Variants in RGS22 observed in about 807,000 individuals in gnomAD.
The protein encoded by RGS22 is regulator of G protein signaling 22, also known as regulator of G-protein signaling 22.
Under a neutral mutation model 172.9 loss-of-function variants are expected in RGS22, and 148 were observed. The ratio of observed to expected loss-of-function variants is 0.86; its 90% CI spans 0.75 to 0.98. RGS22 has a LOEUF of 0.98. Among genes scored for constraint, RGS22 ranks in the 50% least tolerant of loss-of-function variants. The pLI, the probability that RGS22 is intolerant of heterozygous loss-of-function variation, is 0.00. For missense variants in RGS22, 1,347 were observed against 1,440.8 expected (o/e 0.93, Z 1.05); for synonymous variants, 458 against 480.2 (o/e 0.95, Z 0.60).
chr8:99,983,073 C>T (rs1252756269), intron 21 of RGS22, among the ~76,000 whole-genome samples: 1 of 152,086 alleles, frequency 6.6e-6, no homozygotes, highest in Non-Finnish European at 1.5e-5. Context: ...TTTTCTTTTC[C>T]TGCATTAATT....
chr8:100,083,220 C>T (rs1293447591), intron 3 of RGS22, among the ~76,000 whole-genome samples: 4 of 152,284 alleles, frequency 2.6e-5, no homozygotes, highest in African/African-American at 9.6e-5. Context: ...AGAACCATCA[C>T]CACACTCTGG....
At chr8:99,978,101 C>T (rs1812181812) in intron 22 of RGS22, 26 bp from the exon 23 acceptor site, 3 of 1,353,336 alleles carry the variant, frequency 2.2e-6, no homozygotes, top group African/African-American at 1.5e-5. Flanking sequence ...TCTAAGATTA[C>T]AATTTTATAC....
intron 27 of RGS22, 124 bp from the exon 28 acceptor site, chr8:99,961,320 C>T: frequency 2.7e-6 from 1 of 366,844 alleles, no homozygotes; most frequent in South Asian, 2.2e-5. Context: ...TGTCCCCACC[C>T]AAATCTCATC....
intron 14 of RGS22, 92 bp from the exon 15 acceptor site, chr8:100,008,661 A>G: frequency 2.1e-6 from 2 of 946,746 alleles, no homozygotes; most frequent in South Asian, 1.8e-5. Flanking sequence ...AAAAACTAAG[A>G]GAAGGCAAAT....
rs1563608971 is a variant in RGS22, at chr8:100,008,452, CTG to C, written c.2282_2283del (p.Thr761SerfsTer11). 5 of 1,613,640 alleles carry C rather than the reference CTG, an allele frequency of 3.1e-6. No homozygotes were observed. The highest frequency in any genetic ancestry group is 4.2e-6 in the Non-Finnish European group (5 of 1,179,854). ...IQPPFEDLFD[T>X]AEEYILLLLL... ...AGGAGGAGAAGGATATATTCCTCTG[CTG>C]TGTCAAAAAGGTCTTCAAATGGTGG... On this transcript the variant is annotated frameshift_variant, in exon 15 of 28. Transcript: ENST00000360863. LOFTEE classifies it high-confidence loss of function.
intron 9 of RGS22, among the ~76,000 whole-genome samples, chr8:100,053,274 T>A (rs556326459): frequency 1.3e-5 from 2 of 152,130 alleles, no homozygotes; most frequent in East Asian, 3.9e-4. Context: ...ATATAAAAAT[T>A]AGCTGGGCAT....
chr8:99,996,359 C>A, intron 20 of RGS22, 103 bp downstream of exon 20: 1 of 890,310 alleles, frequency 1.1e-6, no homozygotes, highest in Non-Finnish European at 1.8e-6. Flanking sequence ...GTTTAGAAAA[C>A]AGTGTGTCCT....
Position 100,006,068 on chromosome 8 carries a change from G to T in RGS22, c.2403C>A (p.Tyr801Ter), listed in dbSNP as rs1193795969. ...VEETRQLDST[Y>*]FRKLQALHKE... ...TATGCAAAGCCTGTAGCTTTCTGAA[G>T]TATGTGGAGTCTAACTGTCGAGTTT... The change falls in exon 16 of 28, where the codon TAC becomes TAA. Residue 801 changes from tyrosine to a stop codon, truncating the protein, a stop_gained. Transcript: ENST00000360863. LOFTEE classifies it high-confidence loss of function. 6.2e-7 allele frequency: 1 copy of T among 1,613,444 alleles called. No homozygotes were observed. Among genetic ancestry groups the T allele is most frequent in the Admixed American group, 1.7e-5 (1 of 59,980 alleles).
At chr8:99,997,660 C>T (rs962065349) in intron 19 of RGS22, among the ~76,000 whole-genome samples, 1 of 152,286 alleles carries the variant, frequency 6.6e-6, no homozygotes, top group African/African-American at 2.4e-5. Context: ...GCTTTGCATA[C>T]TAAAGTCCAA....
At chr8:100,052,691 T>C (rs1821800280) in intron 10 of RGS22, 111 bp downstream of exon 10, 6 of 1,021,034 alleles carry the variant, frequency 5.9e-6, no homozygotes, top group Non-Finnish European at 8.7e-6. Context: ...GCTTGTACAT[T>C]AGCAAAAATC....
At chr8:100,105,831 G>A (rs1813892730) in intron 1 of RGS22, 66 bp downstream of exon 1, 1 of 1,389,518 alleles carries the variant, frequency 7.2e-7, no homozygotes, top group Admixed American at 2.4e-5. Flanking sequence ...AAAGTCCAGA[G>A]GCTGGCGCGT....
At chr8:100,065,492 T>C (rs1228903582) in intron 7 of RGS22, among the ~76,000 whole-genome samples, 2 of 152,216 alleles carry the variant, frequency 1.3e-5, no homozygotes, top group African/African-American at 4.8e-5. Context: ...AGGTTGCTTA[T>C]ACTTCTTAAA....
chr8:99,997,326 C>T (rs1435902275), intron 19 of RGS22, among the ~76,000 whole-genome samples: 2 of 152,146 alleles, frequency 1.3e-5, no homozygotes, highest in African/African-American at 4.8e-5. Context: ...CAGTGATAAA[C>T]ATAATGAGGA....
intron 2 of RGS22, among the ~76,000 whole-genome samples, chr8:100,100,008 G>A (rs1813338221): frequency 6.6e-6 from 1 of 152,028 alleles, no homozygotes; most frequent in East Asian, 1.9e-4. Context: ...GTCATTAATT[G>A]CCAAGTAATT....
At chr8:100,091,049 T>TA (rs967010835) in intron 3 of RGS22, among the ~76,000 whole-genome samples, 2 of 152,180 alleles carry the variant, frequency 1.3e-5, no homozygotes, top group African/African-American at 4.8e-5. Context: ...TTGGCATACT[T>TA]ACTCTCAGTA....
intron 2 of RGS22, among the ~76,000 whole-genome samples, chr8:100,096,500 T>C (rs2132020589): frequency 6.6e-6 from 1 of 152,276 alleles, no homozygotes; most frequent in South Asian, 2.1e-4. Context: ...TCAAAGGTCT[T>C]ACTGAAAGAG....
intron 2 of RGS22, among the ~76,000 whole-genome samples, chr8:100,101,993 C>T (rs1232164996): frequency 6.6e-6 from 1 of 152,152 alleles, no homozygotes; most frequent in Non-Finnish European, 1.5e-5. Flanking sequence ...GACCCAGGCC[C>T]CTCTGATCTT....
intron 21 of RGS22, among the ~76,000 whole-genome samples, chr8:99,984,715 C>G (rs1253043586): frequency 6.6e-6 from 1 of 151,928 alleles, no homozygotes; most frequent in Admixed American, 6.6e-5. Flanking sequence ...GTTGTATCCT[C>G]AGGATTTGGC....
intron 14 of RGS22, among the ~76,000 whole-genome samples, chr8:100,014,367 G>T (rs1816728361): frequency 6.6e-6 from 1 of 151,958 alleles, no homozygotes; most frequent in South Asian, 2.1e-4. Context: ...ACTCTGTTTT[G>T]CCACCTACTT....
Sources: allele counts gnomAD v4.1 joint callset (sites outside exome capture counted in the v4.1 genomes callset), GRCh38; gene constraint gnomAD v4.1.1; transcripts MANE v1.5; gene names NCBI Gene and HGNC (gene_info 2026-07-23, HGNC 2026-07-21).